The following UBE4A variants were observed in gnomAD, a reference collection of about 807,000 sequenced individuals.
UBE4A encodes ubiquitination factor E4A.
A neutral mutation model predicts 117.9 loss-of-function variants in UBE4A; 48 were observed. The ratio of observed to expected loss-of-function variants is 0.41; its 90% CI spans 0.32 to 0.52. The LOEUF is 0.52. UBE4A is among the 20% of genes least tolerant of loss of function. The probability of loss-of-function intolerance (pLI) is 0.33; values close to 1 mark genes in which losing one functional copy is unlikely to be tolerated. For synonymous variants in UBE4A, 407 were observed against 450.0 expected (o/e 0.90, Z 1.21); for missense variants, 1,067 against 1,296.3 (o/e 0.82, Z 2.72).
intron 2 of UBE4A, among the ~76,000 whole-genome samples, chr11:118,367,544 G>A (rs1022150478): frequency 5.9e-5 from 8 of 135,406 alleles, no homozygotes; most frequent in East Asian, 2.2e-4. Context: ...TTTTTGAGAC[G>A]AAGTCTTGCT....
chr11:118,382,765 T>A lies in UBE4A; in HGVS notation c.2186T>A (p.Ile729Asn), dbSNP rs1565536164. The A allele has an allele frequency of 6.3e-7, 1 of 1,587,542 alleles. No homozygotes were observed. Among genetic ancestry groups the A allele is most frequent in the Non-Finnish European group, 8.6e-7 (1 of 1,162,206 alleles). The change falls in exon 13 of 20, where the codon ATC becomes AAC. Residue 729 changes from isoleucine (I) to asparagine (N), a missense_variant. Physicochemically the swap from Ile to Asn is moderately radical, Grantham distance 149. Coordinates refer to ENST00000252108, the MANE Select transcript of UBE4A (RefSeq NM_001204077.2). ...AEALIKVFVD[I>N]EFTGDPHQFE... is the part of the protein sequence containing the mutation. ...GCTCTAATCAAGGTTTTTGTGGACA[T>A]CGAATTTACAGGTAAAGCAGTCATG...
chr11:118,360,659 A>G (rs936134764), intron 1 of UBE4A, among the ~76,000 whole-genome samples: 5 of 152,248 alleles, frequency 3.3e-5, no homozygotes, highest in East Asian at 1.9e-4. Context: ...TTGAAAAACA[A>G]TACCAAGTCT....
chr11:118,378,690 C>T (rs1948674678), intron 10 of UBE4A: 1 of 152,324 alleles, frequency 6.6e-6, no homozygotes, highest in Non-Finnish European at 1.5e-5. Flanking sequence ...TTAAATAAGA[C>T]AGTAGATAAA....
At chr11:118,380,188 TGAG>T (rs1948692366) in intron 11 of UBE4A, among the ~76,000 whole-genome samples, 1 of 146,790 alleles carries the variant, frequency 6.8e-6, no homozygotes, top group South Asian at 2.1e-4. Context: ...AGTGAGTCAT[TGAG>T]GGGTGGGCAG....
intron 6 of UBE4A, among the ~76,000 whole-genome samples, 186 bp downstream of exon 6, chr11:118,372,852 A>G (rs2134092073): frequency 6.6e-6 from 1 of 152,268 alleles, no homozygotes; most frequent in Non-Finnish European, 1.5e-5. Context: ...ACACCCCTGT[A>G]GTCCCATCTA....
intron 16 of UBE4A, among the ~76,000 whole-genome samples, chr11:118,389,329 C>T (rs938558631): frequency 6.6e-6 from 1 of 152,170 alleles, no homozygotes; most frequent in African/African-American, 2.4e-5. Flanking sequence ...GGGACATACA[C>T]TTACTAAAAT....
chr11:118,387,136 AC>A (rs1948767148), intron 16 of UBE4A, among the ~76,000 whole-genome samples: 1 of 152,178 alleles, frequency 6.6e-6, no homozygotes, highest in Admixed American at 6.5e-5. Context: ...CTGATTACAT[AC>A]TGAAATTATC....
At chr11:118,388,990 T>A (rs912178974) in intron 16 of UBE4A, among the ~76,000 whole-genome samples, 33 of 152,246 alleles carry the variant, frequency 2.2e-4, no homozygotes, top group East Asian at 7.7e-4. Flanking sequence ...ATAATTTTTT[T>A]AAAAAATGAT....
At chr11:118,363,918 C>A (rs1357560355) in intron 1 of UBE4A, among the ~76,000 whole-genome samples, 1 of 151,988 alleles carries the variant, frequency 6.6e-6, no homozygotes, top group Admixed American at 6.5e-5. Context: ...GCACCTGGCC[C>A]ACATTAGCTT....
chr11:118,384,964 AAAAAG>A lies in UBE4A; in HGVS notation c.2412+21_2412+25del, dbSNP rs782056984. The A allele has an allele frequency of 4.7e-5, 73 of 1,543,316 alleles. No homozygotes were observed. Among genetic ancestry groups the A allele is most frequent in the Non-Finnish European group, 5.6e-5 (63 of 1,134,766 alleles). ...CATACAGGTAAAAAAAAAAAAAAAAAAAAAGATTTAACTTCTCCATACCATCAAAT... is the reference window on the plus strand; with the variant it reads ...CATACAGGTAAAAAAAAAAAAAAAAAATTTAACTTCTCCATACCATCAAAT... On this transcript the variant is annotated intron_variant, in intron 15 of 19. Coordinates refer to ENST00000252108, the MANE Select transcript of UBE4A (RefSeq NM_001204077.2).
intron 1 of UBE4A, among the ~76,000 whole-genome samples, chr11:118,362,258 G>C (rs1197677219): frequency 6.6e-6 from 1 of 152,114 alleles, no homozygotes; most frequent in Non-Finnish European, 1.5e-5. Flanking sequence ...GAGTAGCTGA[G>C]ATTCCAGGTG....
chr11:118,366,198 A>C (rs1028030939), intron 2 of UBE4A, among the ~76,000 whole-genome samples: 3 of 152,172 alleles, frequency 2.0e-5, no homozygotes, highest in Admixed American at 6.5e-5. Context: ...GATTTTTTTT[A>C]ACATGGTATT....
At chr11:118,361,507 T>G (rs1056134592) in intron 1 of UBE4A, among the ~76,000 whole-genome samples, 1 of 152,234 alleles carries the variant, frequency 6.6e-6, no homozygotes, top group African/African-American at 2.4e-5. Flanking sequence ...TCCTTTTTCC[T>G]GTAAAATTTT....
chr11:118,372,057 C>T (rs1455285651), intron 5 of UBE4A, among the ~76,000 whole-genome samples: 4 of 152,268 alleles, frequency 2.6e-5, no homozygotes, highest in East Asian at 1.9e-4. Flanking sequence ...GCCAGGAGTT[C>T]GAGACCAGCC....
Position 118,391,768 on chromosome 11 carries a change from T to G in UBE4A, c.2916+964T>G, listed in dbSNP as rs376850475. Reference sequence around the variant, plus strand: ...AAGATAGTGCCACTGCACTCCCGCCTGGGCAAAAGAGCGAGACTCCATCTC... The same window carrying G: ...AAGATAGTGCCACTGCACTCCCGCCGGGGCAAAAGAGCGAGACTCCATCTC... On this transcript the variant is annotated intron_variant, in intron 18 of 19. Transcript: ENST00000252108. 4.7e-4 allele frequency among the ~76,000 whole-genome samples: 71 copies of G among 150,378 alleles called. No homozygotes were observed. The East Asian group carries it at 0.011, about 24-fold the overall frequency.
In UBE4A at chr11:118,397,443, ATTTG is replaced by A. The variant is rs1948885736; in HGVS notation, c.*1008_*1011del. ...AGATTATAAAATGTATATAGTTAAT[ATTTG>A]TTTGAGCTTGTGACCTGACTTCTAA... On this transcript the variant is annotated 3_prime_UTR_variant, in exon 20 of 20. Transcript: ENST00000252108. 1 of 152,210 alleles carries A rather than the reference ATTTG, an allele frequency of 6.6e-6. No homozygotes were observed. The highest frequency in any genetic ancestry group is 1.5e-5 in the Non-Finnish European group (1 of 68,032). 9.4% of individuals were successfully genotyped at this position (152,210 alleles called of 1,614,324 possible). A position where few individuals can be genotyped will look rare whatever the true frequency, so the allele number is the denominator to read the frequency against.
At position 118,384,947 on chromosome 11, in the gene UBE4A, TAAAAAAAAA is replaced by T; in HGVS notation, c.2412+15_2412+23del. On this transcript the variant is annotated splice_donor_5th_base_variant and intron_variant, in intron 15 of 19. Coordinates refer to ENST00000252108, the MANE Select transcript of UBE4A (RefSeq NM_001204077.2). ...TTCCTTTTGGATGAAGCCATACAGG[TAAAAAAAAA>T]AAAAAAAAAAAAGATTTAACTTCTC... 5 of 1,066,252 alleles carry T rather than the reference TAAAAAAAAA, an allele frequency of 4.7e-6. No individual in the cohort carries two copies. The highest frequency in any genetic ancestry group is 3.9e-6 in the Non-Finnish European group (3 of 774,978). The allele number at this position is 1,066,252 out of a possible 1,614,324, so 66.0% of individuals were successfully genotyped here.
At position 118,371,540 on chromosome 11, in the gene UBE4A, A is replaced by G. The variant is rs1173913021; in HGVS notation, c.435A>G (p.Gln145=). 2.5e-6 allele frequency: 4 copies of G among 1,613,460 alleles called. No homozygotes were observed. The Admixed American group carries it at 6.7e-5, about 27-fold the overall frequency. ...CCCTCTTCGCTCGCTTATTACTTCA[A>G]GATCCAGGCAACCACTTAATTAACA... ...EQALFARLLL[Q]DPGNHLINMT... The change falls in exon 5 of 20, where the codon CAA becomes CAG. Residue 145 remains glutamine (Q), a synonymous_variant. Coordinates refer to ENST00000252108, the MANE Select transcript of UBE4A (RefSeq NM_001204077.2).
At chr11:118,371,084 T>C (rs1478874144) in intron 4 of UBE4A, among the ~76,000 whole-genome samples, 1 of 152,222 alleles carries the variant, frequency 6.6e-6, no homozygotes, top group Non-Finnish European at 1.5e-5. Flanking sequence ...CGTTGTACCT[T>C]GCAGGTGCCT....
Sources: gnomAD v4.1 joint callset for allele counts (sites outside exome capture counted in the v4.1 genomes callset) on GRCh38, gnomAD v4.1.1 for gene constraint, MANE v1.5 for transcripts, NCBI Gene and HGNC (gene_info 2026-07-23, HGNC 2026-07-21) for gene names.